KIAA1217: variants seen among roughly 807,000 people sequenced by gnomAD.
The protein encoded by KIAA1217 is sickle tail protein homolog.
Under a neutral mutation model 163.9 loss-of-function variants are expected in KIAA1217, and 88 were observed. That is an observed-to-expected ratio of 0.54 (90% CI 0.45 to 0.64). The LOEUF (loss-of-function observed/expected upper bound fraction) is 0.64, where lower values mean the gene tolerates loss of function less well. Among genes scored for constraint, KIAA1217 ranks in the 30% least tolerant of loss-of-function variants. The pLI, the probability that KIAA1217 is intolerant of heterozygous loss-of-function variation, is 0.00. For missense variants in KIAA1217, 2,372 were observed against 2,475.0 expected (o/e 0.96, Z 0.88); for synonymous variants, 903 against 923.1 (o/e 0.98, Z 0.39).
chr10:24,095,083 C>T (rs998360583), intron 2 of KIAA1217, among the ~76,000 whole-genome samples: 7 of 152,194 alleles, frequency 4.6e-5, no homozygotes, highest in Admixed American at 1.3e-4. Flanking sequence ...CTAAGCCCGT[C>T]GGAAAAGCGC....
chr10:24,155,374 T>C (rs1215342203), intron 2 of KIAA1217, among the ~76,000 whole-genome samples: 4 of 152,170 alleles, frequency 2.6e-5, no homozygotes, highest in Non-Finnish European at 2.9e-5. Context: ...GACAAGTACT[T>C]AGAGAACATC....
intron 1 of KIAA1217, among the ~76,000 whole-genome samples, chr10:23,853,587 TGG>T (rs1459962400): frequency 1.3e-5 from 2 of 152,208 alleles, no homozygotes; most frequent in Non-Finnish European, 2.9e-5. Context: ...TCAGAAGGAA[TGG>T]TACCAATTCC....
At chr10:23,747,350 T>C (rs184141381) in intron 1 of KIAA1217, among the ~76,000 whole-genome samples, 3 of 152,300 alleles carry the variant, frequency 2.0e-5, no homozygotes, top group African/African-American at 7.2e-5. Flanking sequence ...ATCTTTTGTT[T>C]CCTGGGCTTC....
chr10:24,328,286 A>G (rs900383024), intron 2 of KIAA1217, among the ~76,000 whole-genome samples: 35 of 151,988 alleles, frequency 2.3e-4, no homozygotes, highest in African/African-American at 8.0e-4. Context: ...AATTAGGGAG[A>G]GGTAAGGGAG....
chr10:24,097,452 C>G (rs1422482704), intron 2 of KIAA1217, among the ~76,000 whole-genome samples: 1 of 152,072 alleles, frequency 6.6e-6, no homozygotes, highest in East Asian at 1.9e-4. Context: ...ACTCAGGAGG[C>G]TGAGGAGGGA....
At chr10:24,102,588 T>C (rs1025508395) in intron 2 of KIAA1217, among the ~76,000 whole-genome samples, 3 of 152,166 alleles carry the variant, frequency 2.0e-5, no homozygotes, top group Non-Finnish European at 4.4e-5. Context: ...GCCAACACCA[T>C]ATTGAAGGAG....
intron 2 of KIAA1217, among the ~76,000 whole-genome samples, chr10:24,148,700 G>A (rs373355251): frequency 6.6e-6 from 1 of 152,150 alleles, no homozygotes; most frequent in East Asian, 1.9e-4. Context: ...CCTCACAGAT[G>A]CTGGTGCCAT....
intron 1 of KIAA1217, among the ~76,000 whole-genome samples, chr10:23,819,808 C>A (rs1227711588): frequency 1.3e-5 from 2 of 152,122 alleles, no homozygotes; most frequent in African/African-American, 4.8e-5. Flanking sequence ...GGGAGAAATA[C>A]CAGACCAGTA....
intron 1 of KIAA1217, among the ~76,000 whole-genome samples, chr10:23,769,929 T>C (rs1200184196): frequency 6.6e-6 from 1 of 152,246 alleles, no homozygotes; most frequent in Non-Finnish European, 1.5e-5. Context: ...GGCTTTGACA[T>C]AGGCAATCAG....
chr10:24,468,312 C>A (rs557445253), intron 5 of KIAA1217, among the ~76,000 whole-genome samples: 1 of 152,264 alleles, frequency 6.6e-6, no homozygotes, highest in South Asian at 2.1e-4. Context: ...GGTTTTAAAA[C>A]AAATGTTTCC....
intron 1 of KIAA1217, among the ~76,000 whole-genome samples, chr10:23,999,638 G>A (rs568462806): frequency 4.6e-5 from 7 of 152,244 alleles, no homozygotes; most frequent in African/African-American, 7.2e-5. Context: ...GGGTAGATTC[G>A]CTGACATGGC....
chr10:24,490,841 T>C (rs1480922215), intron 6 of KIAA1217, among the ~76,000 whole-genome samples: 1 of 152,196 alleles, frequency 6.6e-6, no homozygotes, highest in Non-Finnish European at 1.5e-5. Context: ...GTCTCTTTCC[T>C]GGTGGCCTTG....
At chr10:23,895,202 G>A (rs902573652) in intron 1 of KIAA1217, among the ~76,000 whole-genome samples, 77 of 151,964 alleles carry the variant, frequency 5.1e-4, no homozygotes, top group African/African-American at 1.8e-3. Flanking sequence ...GAGTGAACAG[G>A]CAACCCACAA....
At chr10:24,175,318 A>G (rs185755953) in intron 2 of KIAA1217, among the ~76,000 whole-genome samples, 2 of 152,272 alleles carry the variant, frequency 1.3e-5, no homozygotes, top group African/African-American at 4.8e-5. Context: ...AGAACATACA[A>G]TGTTCGGTTT....
At chr10:23,713,506 C>T (rs1837390194) in intron 1 of KIAA1217, among the ~76,000 whole-genome samples, 1 of 152,066 alleles carries the variant, frequency 6.6e-6, no homozygotes, top group South Asian at 2.1e-4. Flanking sequence ...TTAACAGCTT[C>T]TTTGGAATAA....
At chr10:23,733,530 A>T (rs1163574107) in intron 1 of KIAA1217, among the ~76,000 whole-genome samples, 1 of 152,154 alleles carries the variant, frequency 6.6e-6, no homozygotes, top group Admixed American at 6.5e-5. Flanking sequence ...AATCATCTTT[A>T]GATTACTTAT....
intron 2 of KIAA1217, among the ~76,000 whole-genome samples, chr10:24,085,747 C>T (rs1337082441): frequency 6.6e-6 from 1 of 152,046 alleles, no homozygotes; most frequent in East Asian, 1.9e-4. Flanking sequence ...CTGAGGCAGG[C>T]AGATCGCTTG....
chr10:24,163,729 T>C (rs2065222579), intron 2 of KIAA1217, among the ~76,000 whole-genome samples: 1 of 152,226 alleles, frequency 6.6e-6, no homozygotes, highest in African/African-American at 2.4e-5. Context: ...CCTTCCAGCT[T>C]CATTCTCCCA....
chr10:24,106,162 A>G (rs960627559), intron 2 of KIAA1217, among the ~76,000 whole-genome samples: 4 of 152,128 alleles, frequency 2.6e-5, no homozygotes, highest in Non-Finnish European at 4.4e-5. Flanking sequence ...TGGCAGGGGC[A>G]GTTAGTTGTC....
Sources: allele counts gnomAD v4.1 joint callset (sites outside exome capture counted in the v4.1 genomes callset), GRCh38; gene constraint gnomAD v4.1.1; transcripts MANE v1.5; gene names NCBI Gene and HGNC (gene_info 2026-07-23, HGNC 2026-07-21).